SYNPR: variants seen among roughly 807,000 people sequenced by gnomAD.
SYNPR encodes the protein synaptoporin.
A neutral mutation model predicts 32.9 loss-of-function variants in SYNPR; 23 were observed. That is an observed-to-expected ratio of 0.70 (90% confidence interval 0.50 to 0.99). SYNPR has a LOEUF of 0.99. Ranked by LOEUF, SYNPR falls within the 50% of genes least tolerant of loss-of-function variation. The pLI is 0.00. For synonymous variants in SYNPR, 146 were observed against 135.9 expected (o/e 1.07, Z -0.52); for missense variants, 318 against 349.3 (o/e 0.91, Z 0.71).
At chr3:63,478,274 A>G (rs1700975111) in intron 2 of SYNPR, among the ~76,000 whole-genome samples, 1 of 152,234 alleles carries the variant, frequency 6.6e-6, no homozygotes, top group Non-Finnish European at 1.5e-5. Context: ...AGCACTTAAT[A>G]TAAGATGAAA....
chr3:63,535,254 A>G (rs1487008726), intron 3 of SYNPR, among the ~76,000 whole-genome samples: 2 of 152,194 alleles, frequency 1.3e-5, no homozygotes, highest in African/African-American at 2.4e-5. Flanking sequence ...ATTCCTCAAT[A>G]AATATATATT....
At chr3:63,234,318 C>A (rs576023430) in intron 1 of SYNPR, among the ~76,000 whole-genome samples, 2 of 152,276 alleles carry the variant, frequency 1.3e-5, no homozygotes, top group East Asian at 1.9e-4. Flanking sequence ...CCCACCAGGT[C>A]TCTCCCACCA....
intron 4 of SYNPR, among the ~76,000 whole-genome samples, chr3:63,565,493 C>A (rs2106839845): frequency 6.6e-6 from 1 of 152,280 alleles, no homozygotes; most frequent in African/African-American, 2.4e-5. Flanking sequence ...AGAAACGGAG[C>A]AGAACATGTG....
intron 2 of SYNPR, among the ~76,000 whole-genome samples, chr3:63,408,283 GGA>G (rs2088407173): frequency 4.9e-4 from 22 of 44,604 alleles, no homozygotes; most frequent in African/African-American, 2.5e-3. Flanking sequence ...GAAAGAGGAA[GGA>G]AGGAAGGAAG....
chr3:63,259,038 C>A (rs2086414708), intron 2 of SYNPR, among the ~76,000 whole-genome samples: 1 of 152,154 alleles, frequency 6.6e-6, no homozygotes, highest in African/African-American at 2.4e-5. Context: ...AGCTGAATCT[C>A]TGAATACACC....
chr3:63,443,708 T>C (rs1700221678), intron 2 of SYNPR, among the ~76,000 whole-genome samples: 1 of 152,240 alleles, frequency 6.6e-6, no homozygotes, highest in Non-Finnish European at 1.5e-5. Flanking sequence ...CTGGGTTTCT[T>C]TGAACATAGT....
At chr3:63,433,677 C>G (rs1221853962) in intron 2 of SYNPR, among the ~76,000 whole-genome samples, 1 of 152,124 alleles carries the variant, frequency 6.6e-6, no homozygotes, top group Non-Finnish European at 1.5e-5. Flanking sequence ...AGGGCTGCAG[C>G]GCCTCCCCTT....
rs139663408 is a variant in SYNPR, at chr3:63,609,371, T to C, written c.600+55T>C. ...TCATATCTTTGTTTGCCAGTCAAAATAATAAGAAAAACATCTCAGAAGTCA... is the reference window on the plus strand; with the variant it reads ...TCATATCTTTGTTTGCCAGTCAAAACAATAAGAAAAACATCTCAGAAGTCA... On this transcript the variant is annotated intron_variant, in intron 5 of 5. Coordinates refer to ENST00000478300, the MANE Select transcript of SYNPR (RefSeq NM_001130003.2). The C allele has an allele frequency of 9.9e-6, 14 of 1,411,812 alleles. No homozygotes were observed. In the East Asian group the frequency reaches 3.8e-4, roughly 38 times the overall value. The allele number at this position is 1,411,812 out of a possible 1,614,324, so 87.5% of individuals were successfully genotyped here. A position where few individuals can be genotyped will look rare whatever the true frequency, so the allele number is the denominator to read the frequency against.
chr3:63,299,688 A>C (rs1365938965), intron 2 of SYNPR, among the ~76,000 whole-genome samples: 1 of 152,174 alleles, frequency 6.6e-6, no homozygotes, highest in African/African-American at 2.4e-5. Context: ...GGTAGAAAGA[A>C]AATGGTAGCT....
intron 2 of SYNPR, among the ~76,000 whole-genome samples, chr3:63,374,918 C>G (rs541154933): frequency 1.3e-4 from 20 of 152,284 alleles, no homozygotes; most frequent in Admixed American, 3.3e-4. Context: ...ATTTCTGAGG[C>G]CTCTGTTCTG....
the SYNPR span, among the ~76,000 whole-genome samples, chr3:63,200,633 C>T: frequency 2.0e-5 from 3 of 152,144 alleles, no homozygotes; most frequent in Non-Finnish European, 4.4e-5. Context: ...AACAAAGAAA[C>T]TCATCCAAAG....
chr3:63,597,520 T>A (rs1037487674), intron 4 of SYNPR, among the ~76,000 whole-genome samples: 2 of 152,158 alleles, frequency 1.3e-5, no homozygotes, highest in Non-Finnish European at 2.9e-5. Context: ...CTAGTCAGAT[T>A]GAAAGGAAAT....
At position 63,400,888 on chromosome 3, in the gene SYNPR, A is replaced by G. The variant is rs537904284; in HGVS notation, c.85-79944A>G. Among the ~76,000 whole-genome samples the G allele has an allele frequency of 1.1e-4, 16 of 152,340 alleles. 1 individual carries two copies. The East Asian group carries it at 3.1e-3, about 29-fold the overall frequency. ...AAATTAATTAAATAGCAGTAGGGCC[A>G]GTGTGTGAAGAGGTATAGCAACACA... is the stretch of plus-strand genomic sequence containing the variant. On this transcript the variant is annotated intron_variant, in intron 2 of 5. Coordinates refer to ENST00000478300, the MANE Select transcript of SYNPR (RefSeq NM_001130003.2).
At chr3:63,564,892 C>T (rs1410955941) in intron 4 of SYNPR, among the ~76,000 whole-genome samples, 3 of 152,170 alleles carry the variant, frequency 2.0e-5, no homozygotes, top group Non-Finnish European at 4.4e-5. Context: ...TTAAAGAATT[C>T]ATGCTTCTTC....
the SYNPR span, among the ~76,000 whole-genome samples, chr3:63,208,425 TG>T: frequency 2.0e-5 from 3 of 152,226 alleles, no homozygotes; most frequent in African/African-American, 7.2e-5. Flanking sequence ...TTTCTCACTC[TG>T]GGGCACATAT....
intron 3 of SYNPR, among the ~76,000 whole-genome samples, chr3:63,487,237 T>A (rs1323984145): frequency 6.6e-6 from 1 of 152,196 alleles, no homozygotes; most frequent in Non-Finnish European, 1.5e-5. Context: ...TAGTGTAGCT[T>A]GGACTCTAGA....
intron 2 of SYNPR, among the ~76,000 whole-genome samples, chr3:63,306,765 G>T (rs2086914316): frequency 6.6e-6 from 1 of 151,962 alleles, no homozygotes; most frequent in South Asian, 2.1e-4. Context: ...TTGCACTTGG[G>T]AGGCAGGTGA....
At chr3:63,375,241 A>C (rs2087872436) in intron 2 of SYNPR, among the ~76,000 whole-genome samples, 1 of 152,210 alleles carries the variant, frequency 6.6e-6, no homozygotes, top group Non-Finnish European at 1.5e-5. Context: ...AAAGGATTAT[A>C]AATCATGCTA....
At chr3:63,416,456 C>A (rs188791424) in intron 2 of SYNPR, among the ~76,000 whole-genome samples, 1 of 147,808 alleles carries the variant, frequency 6.8e-6, no homozygotes, top group Non-Finnish European at 1.5e-5. Flanking sequence ...TGCTTGAACC[C>A]GGGACGTGGA....
Sources: allele counts gnomAD v4.1 joint callset (sites outside exome capture counted in the v4.1 genomes callset), GRCh38; gene constraint gnomAD v4.1.1; transcripts MANE v1.5; gene names NCBI Gene and HGNC (gene_info 2026-07-23, HGNC 2026-07-21).